Variants in MLC1 observed in about 807,000 individuals in gnomAD.
MLC1 encodes the protein modulator of VRAC current 1.
A neutral mutation model predicts 44.7 loss-of-function variants in MLC1; 32 were observed. The ratio of observed to expected loss-of-function variants is 0.72; its 90% CI spans 0.54 to 0.96. The LOEUF is 0.96. Ranked by LOEUF, MLC1 falls within the 40% of genes least tolerant of loss-of-function variation. The pLI is 0.00. For missense variants in MLC1, 459 were observed against 492.2 expected, an observed-to-expected ratio of 0.93 and a Z score of 0.64; for synonymous variants, 190 against 213.0, an observed-to-expected ratio of 0.89 and a Z score of 0.94.
At chr22:50,070,397 C>T in intron 9 of MLC1, 130 bp downstream of exon 9, 2 of 910,866 alleles carry the variant, frequency 2.2e-6, no homozygotes, top group Non-Finnish European at 3.5e-6. Context: ...CCTCATTGTG[C>T]AGGCCCTGCA....
At chr22:50,061,877 G>C (rs927003005) in intron 11 of MLC1, among the ~76,000 whole-genome samples, 8 of 152,272 alleles carry the variant, frequency 5.3e-5, no homozygotes, top group African/African-American at 1.9e-4. Flanking sequence ...CCGCACACAC[G>C]GTTTCTACCG....
chr22:50,077,991 ATT>A (rs3041368), intron 5 of MLC1, among the ~76,000 whole-genome samples: 50 of 144,032 alleles, frequency 3.5e-4, no homozygotes, highest in Admixed American at 2.8e-3. Context: ...CTGTCTGACA[ATT>A]TTTTTTTTTT....
intron 3 of MLC1, among the ~76,000 whole-genome samples, chr22:50,082,671 G>C (rs1026320466): frequency 2.6e-5 from 4 of 152,122 alleles, no homozygotes; most frequent in Non-Finnish European, 5.9e-5. Flanking sequence ...TTTTCTTGTT[G>C]TTGTTGTTTT....
chr22:50,081,434 G>T (rs2062139389), intron 3 of MLC1, among the ~76,000 whole-genome samples: 1 of 152,270 alleles, frequency 6.6e-6, no homozygotes. Flanking sequence ...GCAGAAAGGA[G>T]TCCCACAGCC....
At chr22:50,077,113 G>A (rs929515632) in intron 6 of MLC1, among the ~76,000 whole-genome samples, 5 of 152,236 alleles carry the variant, frequency 3.3e-5, no homozygotes, top group Non-Finnish European at 5.9e-5. Context: ...CAGATGTGGT[G>A]TCTCCTGGTG....
chr22:50,074,086 G>C (rs544543218), intron 8 of MLC1, 130 bp downstream of exon 8: 2 of 735,944 alleles, frequency 2.7e-6, no homozygotes. Flanking sequence ...TTCTGAAGTT[G>C]GGGGCCAGCG....
intron 9 of MLC1, among the ~76,000 whole-genome samples, chr22:50,069,919 C>T (rs527683067): frequency 1.3e-5 from 2 of 151,330 alleles, no homozygotes; most frequent in South Asian, 4.2e-4. Context: ...GTGGCAGTTT[C>T]GGCCGGGCGT....
chr22:50,078,525 G>A (rs1052700861), intron 5 of MLC1, among the ~76,000 whole-genome samples: 8 of 151,528 alleles, frequency 5.3e-5, no homozygotes, highest in Non-Finnish European at 1.2e-4. Flanking sequence ...GATCACCTGA[G>A]GTCAGGAGTT....
chr22:50,077,891 C>T lies in MLC1; in HGVS notation c.424-389G>A, dbSNP rs558599196. ...TAAGGTTTTTTGGAGGGTAATGAAA[C>T]GACTGCAGGCCCTGACCGTATTGGC... On this transcript the variant is annotated intron_variant, in intron 5 of 11. Transcript: ENST00000311597. Among the ~76,000 whole-genome samples, 7 of 152,192 alleles carry T rather than the reference C, an allele frequency of 4.6e-5. No individual in the cohort carries two copies. In the South Asian group the frequency reaches 6.2e-4, roughly 14 times the overall value.
At chr22:50,085,029 T>G (rs2062247184) in intron 1 of MLC1, 68 bp from the exon 2 acceptor site, 1 of 1,510,324 alleles carries the variant, frequency 6.6e-7, no homozygotes, top group African/African-American at 1.4e-5. Flanking sequence ...CCAAGAAATA[T>G]TTTTTAACAA....
At chr22:50,079,814 T>C (rs1057267213) in intron 5 of MLC1, 104 bp downstream of exon 5, 3 of 880,048 alleles carry the variant, frequency 3.4e-6, no homozygotes, top group Admixed American at 3.4e-5. Flanking sequence ...GAGCTGTGAA[T>C]AACATTTACC....
rs768082637 is a variant in MLC1, at chr22:50,077,422, C to T, written c.504G>A (p.Glu168=). The T allele has an allele frequency of 3.7e-6, 6 of 1,613,966 alleles. No individual in the cohort carries two copies. The East Asian group carries it at 8.9e-5, about 24-fold the overall frequency. ...CCACCTTCTTTTTCTTGCAGTCCTC[C>T]TCGCTGGACCGTGCAGCGATGATCA... ...ATVIIAARSS[E]EDCKKKKGSM... is the part of the protein sequence containing the mutation. The change falls in exon 6 of 12, where the codon GAG becomes GAA. Residue 168 remains glutamate, a synonymous_variant. Transcript: ENST00000311597.
chr22:50,081,009 A>AAAAGAAAGAAGGAAAGAAAG (rs2062111010), intron 3 of MLC1, among the ~76,000 whole-genome samples: 2 of 96,740 alleles, frequency 2.1e-5, no homozygotes, highest in Non-Finnish European at 4.0e-5. Context: ...TTGTCTCAAA[A>AAAAGAAAGAAGGAAAGAAAG]AAAGAAAGAA....
At chr22:50,077,647 G>A (rs991011533) in intron 5 of MLC1, 145 bp from the exon 6 acceptor site, 4 of 705,456 alleles carry the variant, frequency 5.7e-6, no homozygotes, top group Admixed American at 4.1e-5. Context: ...CAGCTGTGAG[G>A]CACTGTGGGC....
chr22:50,070,670 C>CCATG, intron 8 of MLC1, 87 bp from the exon 9 acceptor site: 1 of 1,383,716 alleles, frequency 7.2e-7, no homozygotes, highest in Non-Finnish European at 1.0e-6. Context: ...AGTGACCCCT[C>CCATG]CATGCAGGCT....
At chr22:50,069,246 T>C (rs1283788858) in intron 9 of MLC1, among the ~76,000 whole-genome samples, 2 of 150,172 alleles carry the variant, frequency 1.3e-5, no homozygotes, top group Non-Finnish European at 3.0e-5. Flanking sequence ...CAGGCTGGTC[T>C]TCAACTCCTG....
intron 9 of MLC1, 122 bp from the exon 10 acceptor site, chr22:50,068,677 T>G: frequency 8.9e-7 from 1 of 1,122,652 alleles, no homozygotes. Context: ...CCAAGCTGGT[T>G]CCCTGCATGA....
chr22:50,069,078 G>A (rs1677797983), intron 9 of MLC1, among the ~76,000 whole-genome samples: 1 of 151,622 alleles, frequency 6.6e-6, no homozygotes, highest in African/African-American at 2.4e-5. Context: ...CCAGGCAGGA[G>A]TGCGGTGGCA....
At chr22:50,070,946 C>T (rs969183525) in intron 8 of MLC1, among the ~76,000 whole-genome samples, 10 of 152,196 alleles carry the variant, frequency 6.6e-5, no homozygotes, top group South Asian at 2.1e-4. Flanking sequence ...GATGCCTGAA[C>T]ACCTGAGAGT....
Sources: gnomAD v4.1 joint callset for allele counts (sites outside exome capture counted in the v4.1 genomes callset) on GRCh38, gnomAD v4.1.1 for gene constraint, MANE v1.5 for transcripts, NCBI Gene and HGNC (gene_info 2026-07-23, HGNC 2026-07-21) for gene names.